Variants in RNF6 observed in about 807,000 individuals in gnomAD.
RNF6 encodes the protein ring finger protein 6, also known as E3 ubiquitin-protein ligase RNF6.
A neutral mutation model predicts 50.1 loss-of-function variants in RNF6; 21 were observed. That is an observed-to-expected ratio of 0.42 (90% CI 0.30 to 0.60). RNF6 has a LOEUF of 0.60. Among genes scored for constraint, RNF6 ranks in the 20% least tolerant of loss-of-function variants. The pLI, the probability that RNF6 is intolerant of heterozygous loss-of-function variation, is 0.20. For synonymous variants in RNF6, 255 were observed against 291.8 expected, an observed-to-expected ratio of 0.87 and a Z score of 1.29; for missense variants, 698 against 838.2, an observed-to-expected ratio of 0.83 and a Z score of 2.07.
chr13:26,220,348 C>T (rs1354493626), intron 2 of RNF6, among the ~76,000 whole-genome samples: 36 of 152,126 alleles, frequency 2.4e-4, no homozygotes, highest in Admixed American at 2.4e-3. Context: ...CAAGCCTCAT[C>T]CTTAAGCCTG....
Position 26,219,581 on chromosome 13 carries a change from A to G in RNF6, c.69T>C (p.His23=), listed in dbSNP as rs1322692663. Reference sequence around the variant, plus strand: ...CTTGCTGCCATCTTCTCTCATTTTCATGATGATTATGGTCTTGAGGTAAGG... The same window carrying G: ...CTTGCTGCCATCTTCTCTCATTTTCGTGATGATTATGGTCTTGAGGTAAGG... ...EETLPQDHNH[H]ENERRWQQER... The change falls in exon 3 of 5, where the codon CAT becomes CAC. Residue 23 remains histidine (H), a synonymous_variant. Coordinates refer to ENST00000381588, the MANE Select transcript of RNF6 (RefSeq NM_005977.4). 1.9e-6 allele frequency: 3 copies of G among 1,613,776 alleles called. No homozygotes were observed. Among genetic ancestry groups the G allele is most frequent in the South Asian group, 1.1e-5 (1 of 91,056 alleles).
At chr13:26,162,585 T>A (rs1276370277) in intron 5 of RNF6, among the ~76,000 whole-genome samples, 2 of 152,204 alleles carry the variant, frequency 1.3e-5, no homozygotes, top group Non-Finnish European at 2.9e-5. Context: ...AATGAAACAT[T>A]CATTAAGGCA....
At chr13:26,216,390 G>A (rs1411994802) in intron 4 of RNF6, among the ~76,000 whole-genome samples, 1 of 151,728 alleles carries the variant, frequency 6.6e-6, no homozygotes, top group African/African-American at 2.4e-5. Context: ...TAAGCTCCAG[G>A]AAAACAAAGA....
chr13:26,180,182 G>A (rs1873169717), intron 5 of RNF6, among the ~76,000 whole-genome samples: 1 of 152,206 alleles, frequency 6.6e-6, no homozygotes, highest in African/African-American at 2.4e-5. Context: ...AGCTCCAGCT[G>A]TAGTGTGAGC....
At chr13:26,134,622 A>G (rs1250232075) in intron 5 of RNF6, among the ~76,000 whole-genome samples, 22 of 152,168 alleles carry the variant, frequency 1.4e-4, no homozygotes, top group Admixed American at 1.4e-3. Flanking sequence ...GGGTTCCAAG[A>G]ACACTAGCCC....
intron 5 of RNF6, among the ~76,000 whole-genome samples, chr13:26,177,414 G>T (rs1415534752): frequency 6.6e-6 from 1 of 152,148 alleles, no homozygotes; most frequent in South Asian, 2.1e-4. Flanking sequence ...GTTACCTCCT[G>T]GCAGCATCCT....
chr13:26,138,172 T>C (rs557369864), intron 5 of RNF6, among the ~76,000 whole-genome samples: 17 of 152,240 alleles, frequency 1.1e-4, no homozygotes, highest in African/African-American at 3.9e-4. Flanking sequence ...AGCAGAAACT[T>C]TGGCATAGAG....
At chr13:26,172,193 G>C (rs189855817) in intron 5 of RNF6, among the ~76,000 whole-genome samples, 6 of 152,266 alleles carry the variant, frequency 3.9e-5, no homozygotes, top group African/African-American at 1.4e-4. Context: ...ACGCAGCCTG[G>C]TAAGTGATGA....
chr13:26,166,885 A>T (rs1872478125), intron 5 of RNF6, among the ~76,000 whole-genome samples: 1 of 152,192 alleles, frequency 6.6e-6, no homozygotes, highest in South Asian at 2.1e-4. Flanking sequence ...ACACCACTGC[A>T]CTCCAGCCTG....
At chr13:26,153,889 T>C (rs2137591405) in intron 5 of RNF6, among the ~76,000 whole-genome samples, 1 of 152,298 alleles carries the variant, frequency 6.6e-6, no homozygotes, top group African/African-American at 2.4e-5. Flanking sequence ...AGCCCCAAAA[T>C]GGAATTTCAG....
chr13:26,183,478 G>A (rs1253008414), intron 5 of RNF6, among the ~76,000 whole-genome samples: 1 of 152,088 alleles, frequency 6.6e-6, no homozygotes, highest in East Asian at 1.9e-4. Flanking sequence ...TATATTTGCT[G>A]GTAGGTGTTT....
At chr13:26,204,991 T>C (rs1869051785) in intron 5 of RNF6, among the ~76,000 whole-genome samples, 1 of 152,192 alleles carries the variant, frequency 6.6e-6, no homozygotes, top group African/African-American at 2.4e-5. Context: ...GCTGCAGAGC[T>C]GAAGCCTGGG....
chr13:26,138,573 TG>T (rs1231518301), intron 5 of RNF6, among the ~76,000 whole-genome samples: 1 of 152,122 alleles, frequency 6.6e-6, no homozygotes, highest in East Asian at 1.9e-4. Context: ...TGAATAAAGA[TG>T]TAATTTGTGA....
chr13:26,218,399 C>G, intron 4 of RNF6, 112 bp downstream of exon 4: 1 of 756,626 alleles, frequency 1.3e-6, no homozygotes, highest in Admixed American at 2.1e-5. Flanking sequence ...GAATGAGTAT[C>G]ACATTAAAAC....
At chr13:26,157,960 T>TAGACAGAC (rs34400633) in intron 5 of RNF6, among the ~76,000 whole-genome samples, 4 of 63,734 alleles carry the variant, frequency 6.3e-5, no homozygotes, top group Non-Finnish European at 1.1e-4. Context: ...AGCTAGAAGA[T>TAGACAGAC]AGATAGATAG....
chr13:26,199,839 C>T (rs1315987447), intron 5 of RNF6, among the ~76,000 whole-genome samples: 9 of 152,090 alleles, frequency 5.9e-5, no homozygotes, highest in African/African-American at 2.2e-4. Flanking sequence ...CTCCAAAATT[C>T]ATATGTTGAA....
chr13:26,139,625 A>G (rs1343164315), intron 5 of RNF6, among the ~76,000 whole-genome samples: 2 of 152,138 alleles, frequency 1.3e-5, no homozygotes, highest in Non-Finnish European at 2.9e-5. Context: ...AAACCTCAAG[A>G]TCAGTTTGAA....
chr13:26,158,267 AG>A (rs1872042756), intron 5 of RNF6, among the ~76,000 whole-genome samples: 1 of 152,026 alleles, frequency 6.6e-6, no homozygotes, highest in Admixed American at 6.6e-5. Context: ...TTCCAAGGAG[AG>A]GGGATCCAAA....
Position 26,175,361 on chromosome 13 carries a change from G to A in RNF6, n.768+40113C>T, listed in dbSNP as rs560454870. Among the ~76,000 whole-genome samples the A allele has an allele frequency of 2.5e-3, 376 of 152,272 alleles. 2 individuals are homozygous for A. The highest frequency in any genetic ancestry group is 8.4e-3 in the African/African-American group (347 of 41,552). Reference sequence around the variant, plus strand: ...CCCCCAAAGTGCTGGGATTACAGGCGTGAGCCACTGCACCCAGCCTCAGGT... The same window carrying A: ...CCCCCAAAGTGCTGGGATTACAGGCATGAGCCACTGCACCCAGCCTCAGGT... On this transcript the variant is annotated intron_variant and non_coding_transcript_variant, in intron 5 of 5. Coordinates refer to the RNF6 transcript ENST00000468480.
Sources: gnomAD v4.1 joint callset for allele counts (sites outside exome capture counted in the v4.1 genomes callset) on GRCh38, gnomAD v4.1.1 for gene constraint, MANE v1.5 for transcripts, NCBI Gene and HGNC (gene_info 2026-07-23, HGNC 2026-07-21) for gene names.